FMNL2: variants seen among roughly 807,000 people sequenced by gnomAD.
FMNL2 encodes the protein formin like 2, also known as formin-like protein 2.
A neutral mutation model predicts 130.2 loss-of-function variants in FMNL2; 51 were observed. The observed-to-expected ratio is 0.39, with a 90% confidence interval of 0.31 to 0.49. The LOEUF (loss-of-function observed/expected upper bound fraction) is 0.49. Among genes scored for constraint, FMNL2 ranks in the 20% least tolerant of loss-of-function variants. FMNL2 has a pLI of 0.85. For synonymous variants in FMNL2, 465 were observed against 467.1 expected (o/e 1.00, Z 0.06); for missense variants, 977 against 1,316.2 (o/e 0.74, Z 3.99).
At position 152,362,211 on chromosome 2, in the gene FMNL2, C is replaced by A. The variant is rs577979247; in HGVS notation, c.117+26491C>A. On this transcript the variant is annotated intron_variant, in intron 1 of 25. Transcript: ENST00000288670. The stretch of plus-strand genomic sequence containing the variant: ...TTAACTAGTTCCTTATTGTTTGACT[C>A]TCGGGATGGTTGCACACTTGTGTTC... Among the ~76,000 whole-genome samples, 6 of 152,214 alleles carry A rather than the reference C, an allele frequency of 3.9e-5. 1 individual carries two copies. The South Asian group carries it at 1.3e-3, about 32-fold the overall frequency.
intron 1 of FMNL2, among the ~76,000 whole-genome samples, chr2:152,374,131 A>G (rs1232463749): frequency 1.3e-5 from 2 of 152,192 alleles, no homozygotes; most frequent in Non-Finnish European, 2.9e-5. Flanking sequence ...TGTATGTAAT[A>G]ATCATTAAAT....
Position 152,648,430 on chromosome 2 carries a change from T to C in FMNL2, c.*525T>C, listed in dbSNP as rs1683802412. Reference sequence around the variant, plus strand: ...TGGCAAAGTGCAAACAGGATGCAACTGCAGTGGCACAAAGGTCACTCAATC... The same window carrying C: ...TGGCAAAGTGCAAACAGGATGCAACCGCAGTGGCACAAAGGTCACTCAATC... On this transcript the variant is annotated 3_prime_UTR_variant, in exon 26 of 26. Transcript: ENST00000288670. 1 of 154,592 alleles carries C rather than the reference T, an allele frequency of 6.5e-6. No homozygotes were observed. The highest frequency in any genetic ancestry group is 1.4e-5 in the Non-Finnish European group (1 of 69,430). 9.6% of individuals were successfully genotyped at this position (154,592 alleles called of 1,614,324 possible). A position where few individuals can be genotyped will look rare whatever the true frequency, so the allele number is the denominator to read the frequency against.
chr2:152,551,475 C>A (rs1311153726), intron 4 of FMNL2, among the ~76,000 whole-genome samples: 1 of 152,194 alleles, frequency 6.6e-6, no homozygotes, highest in Non-Finnish European at 1.5e-5. Context: ...CAATCACTAG[C>A]ATAAACTTAC....
At chr2:152,384,260 T>A (rs991449888) in intron 1 of FMNL2, among the ~76,000 whole-genome samples, 1 of 152,168 alleles carries the variant, frequency 6.6e-6, no homozygotes, top group Non-Finnish European at 1.5e-5. Context: ...GACTCCAAAG[T>A]CCATTTTCTG....
At chr2:152,478,750 A>T (rs1690311177) in intron 1 of FMNL2, among the ~76,000 whole-genome samples, 1 of 152,178 alleles carries the variant, frequency 6.6e-6, no homozygotes, top group Non-Finnish European at 1.5e-5. Context: ...AAATTTCAGG[A>T]AGGTTCAGTG....
intron 9 of FMNL2, among the ~76,000 whole-genome samples, chr2:152,599,266 C>A (rs749725536): frequency 1.3e-5 from 2 of 152,112 alleles, no homozygotes; most frequent in Non-Finnish European, 2.9e-5. Flanking sequence ...TCTATGTGTC[C>A]TTCCTAATGA....
intron 1 of FMNL2, among the ~76,000 whole-genome samples, chr2:152,431,965 T>TAA (rs60639670): frequency 1.2e-4 from 10 of 82,162 alleles, no homozygotes; most frequent in African/African-American, 2.6e-4. Context: ...ACCCTATCTT[T>TAA]AAAAAAAAAA....
In FMNL2 at chr2:152,357,106, ATCACGATAAATATTACATC is replaced by A. The variant is rs1682860018; in HGVS notation, c.117+21387_117+21405del. Among the ~76,000 whole-genome samples, 18 of 134,908 alleles carry A rather than the reference ATCACGATAAATATTACATC, an allele frequency of 1.3e-4. 3 individuals are homozygous for A. The highest frequency in any genetic ancestry group is 2.4e-4 in the African/African-American group (8 of 33,712). 88.5% of individuals were successfully genotyped at this position (134,908 alleles called of 152,430 possible). ...GATAAATATTACATAAGTTTAATGTATCACGATAAATATTACATCAGTTTAATGTATCACGATAAATATT... is the reference window on the plus strand; with the variant it reads ...GATAAATATTACATAAGTTTAATGTAAGTTTAATGTATCACGATAAATATT... On this transcript the variant is annotated intron_variant, in intron 1 of 25. Coordinates refer to ENST00000288670, the MANE Select transcript of FMNL2 (RefSeq NM_052905.4).
intron 1 of FMNL2, among the ~76,000 whole-genome samples, chr2:152,521,177 C>A (rs1480759860): frequency 2.0e-5 from 3 of 152,138 alleles, no homozygotes; most frequent in Admixed American, 1.3e-4. Flanking sequence ...AACCTAGTAT[C>A]TTAAAAATGT....
chr2:152,522,095 G>A, intron 2 of FMNL2, 69 bp downstream of exon 2: 1 of 1,264,388 alleles, frequency 7.9e-7, no homozygotes, highest in Non-Finnish European at 1.1e-6. Flanking sequence ...GAATTTTATG[G>A]TATGTCAATA....
chr2:152,429,901 C>T (rs1439876143), intron 1 of FMNL2, among the ~76,000 whole-genome samples: 1 of 152,138 alleles, frequency 6.6e-6, no homozygotes, highest in Non-Finnish European at 1.5e-5. Flanking sequence ...CTCAACAATT[C>T]TGTGCATATA....
At chr2:152,488,609 T>C (rs1291361858) in intron 1 of FMNL2, among the ~76,000 whole-genome samples, 1 of 152,256 alleles carries the variant, frequency 6.6e-6, no homozygotes, top group African/African-American at 2.4e-5. Flanking sequence ...TAAACAGACA[T>C]ATGCACACAT....
intron 1 of FMNL2, chr2:152,390,532 C>T (rs1293936840): frequency 6.5e-7 from 1 of 1,542,278 alleles, no homozygotes; most frequent in Non-Finnish European, 9.0e-7. Context: ...AGACAGAAGT[C>T]CATGGGGCTG....
chr2:152,360,997 T>A lies in FMNL2; in HGVS notation c.117+25277T>A, dbSNP rs75180190. Among the ~76,000 whole-genome samples, 1,118 of 152,300 alleles carry A rather than the reference T, an allele frequency of 7.3e-3. 16 individuals are homozygous for A. The highest frequency in any genetic ancestry group is 0.025 in the African/African-American group (1,054 of 41,560). On this transcript the variant is annotated intron_variant, in intron 1 of 25. Coordinates refer to ENST00000288670, the MANE Select transcript of FMNL2 (RefSeq NM_052905.4). ...AGTAATTGCTAAGATTGGAAACATT[T>A]GCTTTTTCAAATTTTTGACTGCATA...
chr2:152,385,125 T>C (rs1048138131), intron 1 of FMNL2, among the ~76,000 whole-genome samples: 2 of 152,256 alleles, frequency 1.3e-5, no homozygotes, highest in African/African-American at 4.8e-5. Context: ...TGCTCCTGTA[T>C]TCTGTTAATG....
At chr2:152,543,319 C>G (rs1434110942) in intron 3 of FMNL2, among the ~76,000 whole-genome samples, 1 of 150,310 alleles carries the variant, frequency 6.7e-6, no homozygotes, top group Non-Finnish European at 1.5e-5. Flanking sequence ...ATAGCTGATT[C>G]CATTCTCAAC....
At chr2:152,451,188 G>A (rs970652668) in intron 1 of FMNL2, among the ~76,000 whole-genome samples, 2 of 151,942 alleles carry the variant, frequency 1.3e-5, no homozygotes, top group Non-Finnish European at 2.9e-5. Context: ...TCGCTCTGTT[G>A]CCCAGGCTGG....
chr2:152,345,760 A>G (rs1255173249), intron 1 of FMNL2, among the ~76,000 whole-genome samples: 2 of 152,200 alleles, frequency 1.3e-5, no homozygotes, highest in Non-Finnish European at 2.9e-5. Context: ...AAGTCACTCT[A>G]CACCAACTAA....
At chr2:152,643,300 A>G (rs1032871625) in intron 25 of FMNL2, 1 of 1,395,418 alleles carries the variant, frequency 7.2e-7, no homozygotes, top group Non-Finnish European at 9.7e-7. Context: ...TTTCCTGCCC[A>G]TCTTCCCCAC....
Sources: allele counts gnomAD v4.1 joint callset (sites outside exome capture counted in the v4.1 genomes callset), GRCh38; gene constraint gnomAD v4.1.1; transcripts MANE v1.5; gene names NCBI Gene and HGNC (gene_info 2026-07-23, HGNC 2026-07-21).